CDH20: variants seen among roughly 807,000 people sequenced by gnomAD.
CDH20 encodes the protein cadherin 20.
CDH20 carries 29 observed loss-of-function variants against 74.2 expected under a neutral mutation model. The observed-to-expected ratio is 0.39, with a 90% CI of 0.29 to 0.53. The LOEUF (loss-of-function observed/expected upper bound fraction) is 0.53, where lower values mean the gene tolerates loss of function less well. CDH20 is among the 20% of genes least tolerant of loss of function. The pLI is 0.69. For missense variants in CDH20, 988 were observed against 1,048.3 expected, an observed-to-expected ratio of 0.94 and a Z score of 0.79; for synonymous variants, 469 against 405.4, an observed-to-expected ratio of 1.16 and a Z score of -1.88.
At chr18:61,501,523 A>G (rs1243792963) in intron 4 of CDH20, among the ~76,000 whole-genome samples, 1 of 152,190 alleles carries the variant, frequency 6.6e-6, no homozygotes, top group African/African-American at 2.4e-5. Context: ...ACTTGAGTAA[A>G]GAAACTTACA....
At chr18:61,440,083 C>T (rs1243094244) in intron 1 of CDH20, among the ~76,000 whole-genome samples, 1 of 152,154 alleles carries the variant, frequency 6.6e-6, no homozygotes, top group Non-Finnish European at 1.5e-5. Context: ...ATGATGGTTA[C>T]TAATTCCTTG....
At chr18:61,534,531 T>C (rs1026455116) in intron 7 of CDH20, among the ~76,000 whole-genome samples, 1 of 152,198 alleles carries the variant, frequency 6.6e-6, no homozygotes, top group Non-Finnish European at 1.5e-5. Flanking sequence ...ACATACACAA[T>C]GGAATATTCG....
At chr18:61,407,881 C>T (rs1282083042) in intron 1 of CDH20, among the ~76,000 whole-genome samples, 1 of 152,132 alleles carries the variant, frequency 6.6e-6, no homozygotes, top group East Asian at 1.9e-4. Context: ...GGATTGTATC[C>T]TGGACCAGAA....
intron 1 of CDH20, among the ~76,000 whole-genome samples, chr18:61,398,850 A>C (rs1310309221): frequency 1.3e-5 from 2 of 152,318 alleles, no homozygotes; most frequent in African/African-American, 4.8e-5. Context: ...ATGAGTTAGA[A>C]GGATATATTT....
At chr18:61,365,320 G>C (rs114425595) in intron 1 of CDH20, among the ~76,000 whole-genome samples, 1 of 152,162 alleles carries the variant, frequency 6.6e-6, no homozygotes, top group Non-Finnish European at 1.5e-5. Context: ...ATCTTCTGTC[G>C]GGTCCCACTG....
chr18:61,474,826 A>G (rs944046843), intron 1 of CDH20, among the ~76,000 whole-genome samples: 8 of 152,100 alleles, frequency 5.3e-5, no homozygotes, highest in Admixed American at 2.0e-4. Context: ...CCGGGGATCA[A>G]TAGATGTTCC....
At position 61,510,204 on chromosome 18, in the gene CDH20, A is replaced by G. The variant is rs546998656; in HGVS notation, c.1017+2644A>G. On this transcript the variant is annotated intron_variant, in intron 6 of 11. Coordinates refer to ENST00000262717, the MANE Select transcript of CDH20 (RefSeq NM_031891.4). ...TCCAAGGGACTGAGCATAGACAGAAAAAGGACAGTGAAACGAGCCCTGAGG... is the reference window on the plus strand; with the variant it reads ...TCCAAGGGACTGAGCATAGACAGAAGAAGGACAGTGAAACGAGCCCTGAGG... 1.4e-4 allele frequency among the ~76,000 whole-genome samples: 21 copies of G among 148,604 alleles called. No individual in the cohort carries two copies. In the South Asian group the frequency reaches 4.4e-3, roughly 31 times the overall value.
rs535352636 is a variant in CDH20, at chr18:61,526,524, A to C, written c.1018-1443A>C. Among the ~76,000 whole-genome samples the C allele has an allele frequency of 2.6e-5, 4 of 152,348 alleles. No individual in the cohort carries two copies. In the East Asian group the frequency reaches 5.8e-4, roughly 22 times the overall value. On this transcript the variant is annotated intron_variant, in intron 6 of 11. Coordinates refer to ENST00000262717, the MANE Select transcript of CDH20 (RefSeq NM_031891.4). ...TGTTGACACACAACTTTTAAGTTCT[A>C]GTAACTGCTTTGCTATCCACTTTTA...
intron 1 of CDH20, among the ~76,000 whole-genome samples, chr18:61,430,942 C>G (rs1244703217): frequency 2.0e-5 from 3 of 152,096 alleles, no homozygotes; most frequent in Non-Finnish European, 4.4e-5. Flanking sequence ...GATCTGGGCC[C>G]TAGGTGTGCT....
chr18:61,436,079 T>C (rs564682204), intron 1 of CDH20, among the ~76,000 whole-genome samples: 119 of 152,314 alleles, frequency 7.8e-4, no homozygotes, highest in African/African-American at 2.6e-3. Context: ...GGTTCATCTG[T>C]GTCGTAGCAC....
At chr18:61,485,164 T>G (rs1910713490) in intron 1 of CDH20, among the ~76,000 whole-genome samples, 1 of 152,200 alleles carries the variant, frequency 6.6e-6, no homozygotes, top group Non-Finnish European at 1.5e-5. Context: ...AATTAAGCAT[T>G]CCTTTTCTTC....
In CDH20 at chr18:61,515,311, T is replaced by C. The variant is rs1275288164; in HGVS notation, c.1017+7751T>C. On this transcript the variant is annotated intron_variant, in intron 6 of 11. Coordinates refer to ENST00000262717, the MANE Select transcript of CDH20 (RefSeq NM_031891.4). Reference sequence around the variant, plus strand: ...TCTTTGACTCGGAAAGGGAACTCCCTGACCCCTTGTGCTTCCCAAGTGAGG... The same window carrying C: ...TCTTTGACTCGGAAAGGGAACTCCCCGACCCCTTGTGCTTCCCAAGTGAGG... Among the ~76,000 whole-genome samples the C allele has an allele frequency of 2.6e-5, 4 of 152,304 alleles. No homozygotes were observed. The East Asian group carries it at 5.8e-4, about 22-fold the overall frequency.
intron 1 of CDH20, among the ~76,000 whole-genome samples, chr18:61,389,113 G>T (rs570002812): frequency 6.6e-6 from 1 of 152,206 alleles, no homozygotes; most frequent in Non-Finnish European, 1.5e-5. Flanking sequence ...GGATGGGTGG[G>T]GCTCCCCCTC....
At chr18:61,395,535 C>T (rs1039847230) in intron 1 of CDH20, among the ~76,000 whole-genome samples, 1 of 152,142 alleles carries the variant, frequency 6.6e-6, no homozygotes, top group African/African-American at 2.4e-5. Flanking sequence ...CCTTCTCCCT[C>T]ACATCATCTG....
At chr18:61,428,492 G>C (rs1160437981) in intron 1 of CDH20, among the ~76,000 whole-genome samples, 1 of 152,080 alleles carries the variant, frequency 6.6e-6, no homozygotes, top group Admixed American at 6.6e-5. Context: ...TGGCTGCTGG[G>C]GTCTCCTGTG....
chr18:61,545,852 T>C (rs1471670958), intron 10 of CDH20, among the ~76,000 whole-genome samples: 2 of 152,152 alleles, frequency 1.3e-5, no homozygotes, highest in African/African-American at 2.4e-5. Flanking sequence ...TAGGGTTCCC[T>C]ATCCATAAAC....
chr18:61,500,029 G>A lies in CDH20; in HGVS notation c.542-354G>A, dbSNP rs1259839442. 6.1e-5 allele frequency among the ~76,000 whole-genome samples: 9 copies of A among 148,456 alleles called. No individual in the cohort carries two copies. The East Asian group carries it at 6.1e-4, about 10-fold the overall frequency. The stretch of plus-strand genomic sequence containing the variant: ...TGAGGCAGGGGAATCACTTGAACCC[G>A]GGAGGTGGAGATTTCAGTGAGCTGA... On this transcript the variant is annotated intron_variant, in intron 3 of 11. Transcript: ENST00000262717.
At chr18:61,411,199 A>G (rs1206375183) in intron 1 of CDH20, among the ~76,000 whole-genome samples, 1 of 3,652 alleles carries the variant, frequency 2.7e-4, no homozygotes, top group Non-Finnish European at 5.2e-4. Context: ...CTCTGTCTGA[A>G]AAAAAAAAAA....
intron 1 of CDH20, among the ~76,000 whole-genome samples, chr18:61,336,816 A>T (rs761128046): frequency 2.7e-5 from 1 of 36,632 alleles, no homozygotes; most frequent in Non-Finnish European, 6.7e-5. Context: ...GCCAGAATAT[A>T]TGGGGGGGGG....
Sources: allele counts gnomAD v4.1 joint callset (sites outside exome capture counted in the v4.1 genomes callset), GRCh38; gene constraint gnomAD v4.1.1; transcripts MANE v1.5; gene names NCBI Gene and HGNC (gene_info 2026-07-23, HGNC 2026-07-21).